The following RC3H2 variants were observed in gnomAD, a reference collection of about 807,000 sequenced individuals.
RC3H2 encodes roquin-2.
RC3H2 carries 31 observed loss-of-function variants against 133.3 expected under a neutral mutation model. The observed-to-expected ratio is 0.23, with a 90% CI of 0.17 to 0.31. RC3H2 has a LOEUF of 0.31. Ranked by LOEUF, RC3H2 falls within the 10% of genes least tolerant of loss-of-function variation. The pLI, the probability that RC3H2 is intolerant of heterozygous loss-of-function variation, is 1.00. For missense variants in RC3H2, 1,175 were observed against 1,437.2 expected (o/e 0.82, Z 2.95); for synonymous variants, 517 against 502.2 (o/e 1.03, Z -0.40).
chr9:122,852,241 T>C (rs1160529032), intron 18 of RC3H2, among the ~76,000 whole-genome samples: 1 of 140,144 alleles, frequency 7.1e-6, no homozygotes, highest in Non-Finnish European at 1.5e-5. Context: ...GTCTGAGAAG[T>C]GAGGAGACCC....
chr9:122,860,257 T>C (rs1233912028), intron 10 of RC3H2, 126 bp from the exon 11 acceptor site: 4 of 686,296 alleles, frequency 5.8e-6, no homozygotes, highest in Non-Finnish European at 9.9e-6. Context: ...CATTGCCACA[T>C]TGACAAATAA....
chr9:122,864,439 C>T (rs999070007), intron 10 of RC3H2, among the ~76,000 whole-genome samples: 3 of 152,114 alleles, frequency 2.0e-5, no homozygotes, highest in African/African-American at 7.2e-5. Flanking sequence ...TTGTTCAAGG[C>T]ATACTGGAGT....
chr9:122,868,031 C>T (rs1403051417), intron 9 of RC3H2, among the ~76,000 whole-genome samples: 1 of 123,060 alleles, frequency 8.1e-6, no homozygotes, highest in Non-Finnish European at 1.7e-5. Flanking sequence ...AGTGAGAAGC[C>T]CCTCTGCCCA....
At chr9:122,903,677 T>C (rs1832740317) in intron 1 of RC3H2, among the ~76,000 whole-genome samples, 1 of 152,198 alleles carries the variant, frequency 6.6e-6, no homozygotes, top group South Asian at 2.1e-4. Flanking sequence ...TTTCTAAACG[T>C]AACTAGAATA....
chr9:122,904,895 G>C (rs1338152353), intron 1 of RC3H2, among the ~76,000 whole-genome samples: 1 of 152,174 alleles, frequency 6.6e-6, no homozygotes, highest in Non-Finnish European at 1.5e-5. Context: ...ATTTGAGCCG[G>C]TCGCTCCGCA....
At position 122,884,917 on chromosome 9, in the gene RC3H2, C is replaced by A. The variant is rs527478785; in HGVS notation, c.584-1538G>T. ...CTGTATTCTTCAGGAATATCAGTGT[C>A]ATGAAAGGCAAAGAAAAGCTGAGGA... On this transcript the variant is annotated intron_variant, in intron 4 of 20. Coordinates refer to ENST00000357244, the MANE Select transcript of RC3H2 (RefSeq NM_001100588.3). Among the ~76,000 whole-genome samples the A allele has an allele frequency of 3.3e-5, 5 of 151,276 alleles. No homozygotes were observed. In the East Asian group the frequency reaches 9.7e-4, roughly 29 times the overall value.
Position 122,848,068 on chromosome 9 carries a change from A to G in RC3H2, c.*1559T>C, listed in dbSNP as rs1829906330. 1 of 152,212 alleles carries G rather than the reference A, an allele frequency of 6.6e-6. No individual in the cohort carries two copies. Among genetic ancestry groups the G allele is most frequent in the Non-Finnish European group, 1.5e-5 (1 of 67,990 alleles). The allele number at this position is 152,212 out of a possible 1,614,324, so 9.4% of individuals were successfully genotyped here. On this transcript the variant is annotated 3_prime_UTR_variant, in exon 21 of 21. Transcript: ENST00000357244. ...AAACTTTTTATCAAAATCTTATCTG[A>G]TACAATGCTGTGGTTTTGTAAAACA...
At chr9:122,875,361 G>A (rs999513069) in intron 9 of RC3H2, 2 of 1,548,466 alleles carry the variant, frequency 1.3e-6, no homozygotes, top group African/African-American at 2.7e-5. Flanking sequence ...AGTCCACGGG[G>A]GTTACACTTA....
chr9:122,857,768 G>A (rs1381884528), intron 13 of RC3H2, among the ~76,000 whole-genome samples, 155 bp downstream of exon 13: 2 of 152,168 alleles, frequency 1.3e-5, no homozygotes, highest in Non-Finnish European at 2.9e-5. Context: ...ACACCTAGCC[G>A]TAGTGCATTT....
intron 3 of RC3H2, among the ~76,000 whole-genome samples, chr9:122,892,212 T>C (rs940256222): frequency 6.6e-6 from 1 of 151,776 alleles, no homozygotes; most frequent in Admixed American, 6.6e-5. Context: ...CCTGGGCTCA[T>C]GTGATTCTCC....
At chr9:122,878,631 A>G (rs1374956758) in intron 8 of RC3H2, among the ~76,000 whole-genome samples, 1 of 152,124 alleles carries the variant, frequency 6.6e-6, no homozygotes, top group Non-Finnish European at 1.5e-5. Context: ...AACAGCAACT[A>G]CATTGCAGGT....
chr9:122,864,639 G>A (rs1393440741), intron 10 of RC3H2, among the ~76,000 whole-genome samples: 1 of 142,848 alleles, frequency 7.0e-6, no homozygotes, highest in Non-Finnish European at 1.5e-5. Context: ...TTTTTTTTTT[G>A]AGACAGTGTC....
chr9:122,872,588 T>C (rs1831145770), intron 9 of RC3H2, among the ~76,000 whole-genome samples: 1 of 152,200 alleles, frequency 6.6e-6, no homozygotes, highest in Non-Finnish European at 1.5e-5. Flanking sequence ...CAGTATATAA[T>C]AATCTTTTAT....
chr9:122,875,785 A>G (rs893763418), intron 9 of RC3H2, among the ~76,000 whole-genome samples: 2 of 152,152 alleles, frequency 1.3e-5, no homozygotes, highest in Non-Finnish European at 2.9e-5. Flanking sequence ...AAACTGAGAG[A>G]AGGTCAGTGT....
chr9:122,890,186 TC>T, intron 4 of RC3H2, 125 bp downstream of exon 4: 1 of 729,760 alleles, frequency 1.4e-6, no homozygotes, highest in Non-Finnish European at 2.3e-6. Flanking sequence ...AACAAATTTA[TC>T]TTTAATTATA....
chr9:122,859,976 T>C lies in RC3H2; in HGVS notation c.1790A>G (p.Gln597Arg). 2 of 1,614,184 alleles carry C rather than the reference T, an allele frequency of 1.2e-6. No homozygotes were observed. Among genetic ancestry groups the C allele is most frequent in the African/African-American group, 1.3e-5 (1 of 75,054 alleles). The change falls in exon 11 of 21, where the codon CAG (glutamine) becomes CGG (arginine). Residue 597 changes from glutamine to arginine, a missense_variant. Gln to Arg is a conservative substitution (Grantham distance 43, BLOSUM62 1). Coordinates refer to ENST00000357244, the MANE Select transcript of RC3H2 (RefSeq NM_001100588.3). ...CTGAGTCCTTGGATCTTGAAAATAC[T>C]GAATGTTTTCAGAATGCGGAGGATA... ...PVYPPHSENI[Q>R]YFQDPRTQIP...
At chr9:122,881,607 T>C (rs1034679868) in intron 5 of RC3H2, among the ~76,000 whole-genome samples, 1 of 152,120 alleles carries the variant, frequency 6.6e-6, no homozygotes, top group African/African-American at 2.4e-5. Context: ...CATTATATAC[T>C]ACGGCAGGGA....
chr9:122,878,923 AT>A (rs202108667), intron 8 of RC3H2, among the ~76,000 whole-genome samples: 214 of 131,102 alleles, frequency 1.6e-3, no homozygotes, highest in East Asian at 2.3e-3. Flanking sequence ...TCATTTTTGT[AT>A]TTTTTTTTTT....
At chr9:122,870,377 AAAACAAAC>A (rs141668736) in intron 9 of RC3H2, among the ~76,000 whole-genome samples, 71,411 of 123,396 alleles carry the variant, frequency 0.58, 18,097 homozygotes, top group South Asian at 0.7. Context: ...TCTGTCTCCA[AAAACAAAC>A]AAACAAACAA....
Sources: allele counts gnomAD v4.1 joint callset (sites outside exome capture counted in the v4.1 genomes callset), GRCh38; gene constraint gnomAD v4.1.1; transcripts MANE v1.5; gene names NCBI Gene and HGNC (gene_info 2026-07-23, HGNC 2026-07-21).